PDE3B: variants seen among roughly 807,000 people sequenced by gnomAD.
PDE3B encodes phosphodiesterase 3B, also known as cGMP-inhibited 3',5'-cyclic phosphodiesterase 3B.
In PDE3B, 66 loss-of-function variants were observed where a neutral mutation model predicts 116.8. The ratio of observed to expected loss-of-function variants is 0.56; its 90% CI spans 0.46 to 0.69. The LOEUF is 0.69. PDE3B is among the 30% of genes least tolerant of loss of function. The probability of loss-of-function intolerance (pLI) is 0.00; values close to 1 mark genes in which losing one functional copy is unlikely to be tolerated. For missense variants in PDE3B, 1,384 were observed against 1,368.1 expected (o/e 1.01, Z -0.18); for synonymous variants, 595 against 533.6 (o/e 1.12, Z -1.59).
chr11:14,779,936 GAC>G (rs1273331175), intron 2 of PDE3B, among the ~76,000 whole-genome samples: 1 of 150,430 alleles, frequency 6.6e-6, no homozygotes, highest in Non-Finnish European at 1.5e-5. Context: ...CACGTGCAGA[GAC>G]ACGCATAGGC....
chr11:14,711,832 C>G (rs910164348), intron 1 of PDE3B, among the ~76,000 whole-genome samples: 2 of 152,156 alleles, frequency 1.3e-5, no homozygotes, highest in Admixed American at 1.3e-4. Flanking sequence ...TTTGGTTAGT[C>G]TGGATAGGAG....
intron 1 of PDE3B, among the ~76,000 whole-genome samples, chr11:14,671,485 T>A (rs748767067): frequency 1.3e-5 from 2 of 152,064 alleles, no homozygotes; most frequent in Admixed American, 1.3e-4. Flanking sequence ...CATAAGGCCT[T>A]ATACACCTTG....
chr11:14,741,409 G>T (rs1215367506), intron 1 of PDE3B, among the ~76,000 whole-genome samples: 3 of 151,978 alleles, frequency 2.0e-5, no homozygotes, highest in African/African-American at 7.3e-5. Flanking sequence ...TTTTATCAGA[G>T]ACTAGGATTG....
the PDE3B span, chr11:14,891,891 C>T: frequency 6.7e-7 from 1 of 1,499,338 alleles, no homozygotes; most frequent in Non-Finnish European, 9.0e-7. Flanking sequence ...CTAGTCGGCC[C>T]AGGGGCGGCC....
At chr11:14,769,645 G>A (rs1256709128) in intron 1 of PDE3B, among the ~76,000 whole-genome samples, 6 of 146,570 alleles carry the variant, frequency 4.1e-5, no homozygotes, top group African/African-American at 1.5e-4. Flanking sequence ...TAAAATATAT[G>A]TACATATATT....
intron 12 of PDE3B, among the ~76,000 whole-genome samples, chr11:14,849,630 C>G (rs1847697756): frequency 6.6e-6 from 1 of 152,118 alleles, no homozygotes; most frequent in South Asian, 2.1e-4. Context: ...TGAACTCAAA[C>G]AAATTTACAA....
intron 1 of PDE3B, among the ~76,000 whole-genome samples, chr11:14,748,192 T>A (rs942309697): frequency 6.6e-6 from 1 of 152,224 alleles, no homozygotes; most frequent in African/African-American, 2.4e-5. Context: ...TTTTAAAATG[T>A]TGAGGATTAC....
Position 14,675,991 on chromosome 11 carries a change from C to T in PDE3B, c.978+30938C>T, listed in dbSNP as rs1160130529. Among the ~76,000 whole-genome samples the T allele has an allele frequency of 2.0e-5, 3 of 152,108 alleles. No homozygotes were observed. The East Asian group carries it at 5.8e-4, about 29-fold the overall frequency. Reference sequence around the variant, plus strand: ...TTTCAAAGTGGTTGTACCATTTACACTCCTACCAGCAATATATGAGAGTTC... The same window carrying T: ...TTTCAAAGTGGTTGTACCATTTACATTCCTACCAGCAATATATGAGAGTTC... On this transcript the variant is annotated intron_variant, in intron 1 of 15. Transcript: ENST00000282096.
chr11:14,655,442 AAT>A (rs1853690067), intron 1 of PDE3B, among the ~76,000 whole-genome samples: 1 of 152,172 alleles, frequency 6.6e-6, no homozygotes, highest in Admixed American at 6.5e-5. Flanking sequence ...CTATCACATT[AAT>A]ATACTCTTCT....
intron 1 of PDE3B, chr11:14,673,963 C>G (rs1051403755): frequency 7.4e-7 from 1 of 1,354,200 alleles, no homozygotes; most frequent in Non-Finnish European, 1.1e-6. Context: ...TTGTAATTTG[C>G]GTAATCCTCA....
At chr11:14,756,642 TAG>T (rs1857187238) in intron 1 of PDE3B, among the ~76,000 whole-genome samples, 1 of 152,116 alleles carries the variant, frequency 6.6e-6, no homozygotes, top group Non-Finnish European at 1.5e-5. Flanking sequence ...AACTGCGAGT[TAG>T]AGAGTGGATC....
At chr11:14,874,272 T>C (rs1437780408), downstream of PDE3B, among the ~76,000 whole-genome samples, 1 of 152,194 alleles carries the variant, frequency 6.6e-6, no homozygotes, top group South Asian at 2.1e-4. Context: ...CTTTAACCTA[T>C]GTTTTAAGTA....
In PDE3B at chr11:14,667,500, A is replaced by G. The variant is rs1006121083; in HGVS notation, c.978+22447A>G. ...TGGCACACATACACCATGGAATACT[A>G]TGCAGCCATAAAAAAGGATGAGTTC... On this transcript the variant is annotated intron_variant, in intron 1 of 15. Coordinates refer to ENST00000282096, the MANE Select transcript of PDE3B (RefSeq NM_000922.4). 4.6e-5 allele frequency among the ~76,000 whole-genome samples: 7 copies of G among 151,784 alleles called. No individual in the cohort carries two copies. The East Asian group carries it at 1.2e-3, about 25-fold the overall frequency.
intron 1 of PDE3B, among the ~76,000 whole-genome samples, chr11:14,681,677 T>C (rs979286272): frequency 2.0e-5 from 3 of 152,242 alleles, no homozygotes; most frequent in Non-Finnish European, 4.4e-5. Context: ...GTAAATGGTA[T>C]TTAACAAGAA....
At chr11:14,885,737 T>C in the PDE3B span, 1 of 1,591,720 alleles carries the variant, frequency 6.3e-7, no homozygotes, top group Non-Finnish European at 8.6e-7. Context: ...TGATTTAAAA[T>C]ATCTTAGTAA....
At chr11:14,864,350 A>G (rs1248866307) in intron 14 of PDE3B, among the ~76,000 whole-genome samples, 1 of 152,160 alleles carries the variant, frequency 6.6e-6, no homozygotes, top group African/African-American at 2.4e-5. Context: ...CCACAAAATA[A>G]TAGTGGGAGA....
At chr11:14,691,134 AT>A (rs1855031131) in intron 1 of PDE3B, among the ~76,000 whole-genome samples, 1 of 152,198 alleles carries the variant, frequency 6.6e-6, no homozygotes, top group African/African-American at 2.4e-5. Context: ...AGGTGATTTA[AT>A]TGTTACTGTA....
rs574832748 is a variant in PDE3B, at chr11:14,778,727, A to G, written c.1029+6740A>G. Among the ~76,000 whole-genome samples the G allele has an allele frequency of 2.6e-5, 4 of 152,344 alleles. No individual in the cohort carries two copies. In the East Asian group the frequency reaches 7.7e-4, roughly 29 times the overall value. ...CAAAGATGGGGAGAAACCAGAGCAG[A>G]AAAGCTGAAAATTCTAAAAATCAGA... On this transcript the variant is annotated intron_variant, in intron 2 of 15. Transcript: ENST00000282096.
At chr11:14,887,074 T>C in the PDE3B span, 1 of 152,258 alleles carries the variant, frequency 6.6e-6, no homozygotes, top group Non-Finnish European at 1.5e-5. Flanking sequence ...TAAAAGGGAA[T>C]GGCTACCAGC....
Sources: gnomAD v4.1 joint callset for allele counts (sites outside exome capture counted in the v4.1 genomes callset) on GRCh38, gnomAD v4.1.1 for gene constraint, MANE v1.5 for transcripts, NCBI Gene and HGNC (gene_info 2026-07-23, HGNC 2026-07-21) for gene names.